The following SSBP3 variants were observed in gnomAD, a reference collection of about 807,000 sequenced individuals.
SSBP3 encodes the protein single-stranded DNA-binding protein 3.
SSBP3 carries 5 observed loss-of-function variants against 69.6 expected under a neutral mutation model. The observed-to-expected ratio is 0.07, with a 90% CI of 0.04 to 0.15. SSBP3 has a LOEUF of 0.15. Ranked by LOEUF, SSBP3 falls within the 10% of genes least tolerant of loss-of-function variation. SSBP3 has a pLI of 1.00. For synonymous variants in SSBP3, 196 were observed against 193.4 expected, an observed-to-expected ratio of 1.01 and a Z score of -0.11; for missense variants, 312 against 534.0, an observed-to-expected ratio of 0.58 and a Z score of 4.10.
chr1:54,289,020 C>CAAAAAAAAAAAAAAAAAA (rs777871964), intron 4 of SSBP3, among the ~76,000 whole-genome samples: 8 of 43,904 alleles, frequency 1.8e-4, no homozygotes, highest in East Asian at 1.6e-3. Context: ...ACTCTGTCTC[C>CAAAAAAAAAAAAAAAAAA]AAAAAAAAAA....
chr1:54,372,778 C>G (rs1268873028), intron 4 of SSBP3, among the ~76,000 whole-genome samples: 1 of 152,166 alleles, frequency 6.6e-6, no homozygotes, highest in Non-Finnish European at 1.5e-5. Flanking sequence ...ATACCTGTAC[C>G]CTGTCCCCTC....
At chr1:54,323,562 C>T (rs1191468864) in intron 4 of SSBP3, among the ~76,000 whole-genome samples, 2 of 152,190 alleles carry the variant, frequency 1.3e-5, no homozygotes, top group African/African-American at 4.8e-5. Flanking sequence ...TGCTCTTGGC[C>T]TCACCTCACC....
chr1:54,235,846 G>A (rs1393279859), intron 14 of SSBP3, among the ~76,000 whole-genome samples: 1 of 152,188 alleles, frequency 6.6e-6, no homozygotes, highest in Non-Finnish European at 1.5e-5. Context: ...ATCTGAAGTT[G>A]CAAAATCCAA....
intron 15 of SSBP3, 73 bp downstream of exon 15, chr1:54,228,675 C>A: frequency 6.6e-7 from 1 of 1,523,840 alleles, no homozygotes; most frequent in Non-Finnish European, 8.9e-7. Context: ...CCAAGCCCAG[C>A]TGAGCCAGGA....
intron 5 of SSBP3, among the ~76,000 whole-genome samples, chr1:54,276,075 G>T (rs989566313): frequency 6.6e-6 from 1 of 152,252 alleles, no homozygotes; most frequent in Non-Finnish European, 1.5e-5. Flanking sequence ...GGGCCTGGCT[G>T]GCAGGAATGA....
chr1:54,229,928 C>T (rs1233007211), intron 14 of SSBP3, among the ~76,000 whole-genome samples: 3 of 152,292 alleles, frequency 2.0e-5, no homozygotes, highest in Non-Finnish European at 4.4e-5. Context: ...AGTACAGCTG[C>T]GGCTTCAGAG....
chr1:54,311,889 A>G (rs11206329), intron 4 of SSBP3, among the ~76,000 whole-genome samples: 39,551 of 151,976 alleles, frequency 0.26, 6,583 homozygotes, highest in African/African-American at 0.46. Context: ...CTCCTTGACC[A>G]TCTACAGCAG....
intron 9 of SSBP3, among the ~76,000 whole-genome samples, chr1:54,244,976 G>C (rs77623241): frequency 2.6e-5 from 4 of 152,142 alleles, no homozygotes; most frequent in African/African-American, 9.7e-5. Context: ...AGGTGGGGCT[G>C]TGTCTTGATG....
intron 14 of SSBP3, chr1:54,236,328 G>A (rs1644494554): frequency 6.6e-6 from 1 of 152,134 alleles, no homozygotes; most frequent in Non-Finnish European, 1.5e-5. Context: ...TGTTTGCCAG[G>A]CTGGTCTTTA....
intron 4 of SSBP3, among the ~76,000 whole-genome samples, chr1:54,381,452 G>A (rs964649104): frequency 2.8e-5 from 4 of 144,218 alleles, no homozygotes; most frequent in Admixed American, 1.4e-4. Flanking sequence ...TTTAGTTTAT[G>A]TCCTTGTAGA....
intron 4 of SSBP3, among the ~76,000 whole-genome samples, chr1:54,354,835 G>A (rs962942728): frequency 2.6e-4 from 40 of 152,226 alleles, no homozygotes; most frequent in Admixed American, 2.6e-3. Flanking sequence ...GTGCCTTAGG[G>A]AGGAGTGGAC....
intron 4 of SSBP3, among the ~76,000 whole-genome samples, chr1:54,312,009 A>T (rs1310689721): frequency 2.0e-5 from 3 of 152,116 alleles, no homozygotes; most frequent in African/African-American, 7.2e-5. Flanking sequence ...GCCTCCACAG[A>T]AAAGGGGCTC....
chr1:54,404,806 A>AGT, intron 2 of SSBP3, 52 bp downstream of exon 2: 1 of 509,456 alleles, frequency 2.0e-6, no homozygotes, highest in Non-Finnish European at 3.2e-6. Flanking sequence ...CTCTAAGAAT[A>AGT]GTGGGGGGGG....
chr1:54,278,102 G>A (rs538415060), intron 5 of SSBP3, among the ~76,000 whole-genome samples: 7 of 152,296 alleles, frequency 4.6e-5, no homozygotes, highest in Non-Finnish European at 1.0e-4. Context: ...CAGCAAGTAT[G>A]CGGCCAAGTC....
At chr1:54,228,594 G>T in intron 15 of SSBP3, 117 bp from the exon 16 acceptor site, 1 of 1,507,366 alleles carries the variant, frequency 6.6e-7, no homozygotes, top group Non-Finnish European at 9.0e-7. Context: ...ACACTGTGCG[G>T]AGGGCTTTCT....
chr1:54,351,136 A>C (rs886910416), intron 4 of SSBP3, among the ~76,000 whole-genome samples: 1 of 152,110 alleles, frequency 6.6e-6, no homozygotes, highest in African/African-American at 2.4e-5. Context: ...CTTAAATGCT[A>C]TTTTTTATAA....
In SSBP3 at chr1:54,404,668, G is replaced by C. The variant is rs368176669; in HGVS notation, c.130-31C>G. The C allele has an allele frequency of 1.1e-4, 181 of 1,613,798 alleles. 1 individual carries two copies. In the African/African-American group the frequency reaches 1.2e-3, roughly 11 times the overall value. On this transcript the variant is annotated intron_variant, in intron 2 of 17. Coordinates refer to ENST00000610401, the Ensembl canonical transcript of SSBP3. ...AAGGTAAGAGCAGAAGCAGCTTAGA[G>C]GAGCAGAGACGGGGTGGGCTGGGGG...
chr1:54,236,586 G>T (rs1644499776), intron 14 of SSBP3: 1 of 152,174 alleles, frequency 6.6e-6, no homozygotes, highest in Admixed American at 6.5e-5. Context: ...GTATTTTATT[G>T]TAATTCCTTT....
Position 54,390,917 on chromosome 1 carries a change from G to A in SSBP3, c.276+10944C>T, listed in dbSNP as rs182114813. Among the ~76,000 whole-genome samples, 361 of 152,338 alleles carry A rather than the reference G, an allele frequency of 2.4e-3. 2 individuals are homozygous for A. The highest frequency in any genetic ancestry group is 7.7e-3 in the African/African-American group (321 of 41,578). On this transcript the variant is annotated intron_variant, in intron 4 of 17. Transcript: ENST00000610401. ...GTCTAAAAGCCGGCGAGCAGAGACC[G>A]GCAGTGCGCACACGCCCGGCACCAG...
Sources: gnomAD v4.1 joint callset for allele counts (sites outside exome capture counted in the v4.1 genomes callset) on GRCh38, gnomAD v4.1.1 for gene constraint, MANE v1.5 for transcripts, NCBI Gene and HGNC (gene_info 2026-07-23, HGNC 2026-07-21) for gene names.